The following ZNF407 variants were observed in gnomAD, a reference collection of about 807,000 sequenced individuals.
ZNF407 encodes the protein zinc finger protein 407.
Under a neutral mutation model 131.2 loss-of-function variants are expected in ZNF407, and 17 were observed. The ratio of observed to expected loss-of-function variants is 0.13; its 90% confidence interval spans 0.09 to 0.19. ZNF407 has a LOEUF of 0.19. Ranked by LOEUF, ZNF407 falls within the 10% of genes least tolerant of loss-of-function variation. ZNF407 has a pLI of 1.00. For synonymous variants in ZNF407, 1,156 were observed against 1,062.0 expected, an observed-to-expected ratio of 1.09 and a Z score of -1.72; for missense variants, 2,681 against 2,830.6, an observed-to-expected ratio of 0.95 and a Z score of 1.20.
intron 1 of ZNF407, among the ~76,000 whole-genome samples, chr18:74,627,578 A>G (rs946731861): frequency 4.1e-4 from 62 of 150,938 alleles, no homozygotes; most frequent in African/African-American, 1.4e-3. Context: ...TGGTCTGCCC[A>G]CCTTGGCCTT....
intron 3 of ZNF407, among the ~76,000 whole-genome samples, chr18:74,764,540 C>T (rs1969184662): frequency 6.6e-6 from 1 of 152,074 alleles, no homozygotes; most frequent in Admixed American, 6.5e-5. Flanking sequence ...TAATACAACC[C>T]TAGAAATTAA....
At chr18:74,811,908 C>T (rs1296603784) in intron 4 of ZNF407, among the ~76,000 whole-genome samples, 1 of 151,322 alleles carries the variant, frequency 6.6e-6, no homozygotes, top group Admixed American at 6.6e-5. Flanking sequence ...GGAGGGATAG[C>T]ATTAGGAGAT....
intron 4 of ZNF407, among the ~76,000 whole-genome samples, chr18:74,875,091 T>G (rs546147062): frequency 6.6e-6 from 1 of 152,280 alleles, no homozygotes; most frequent in East Asian, 1.9e-4. Context: ...GGCAAATATT[T>G]TAGAATATTT....
intron 8 of ZNF407, among the ~76,000 whole-genome samples, chr18:74,989,818 G>A (rs1422355446): frequency 3.3e-5 from 5 of 151,012 alleles, no homozygotes; most frequent in African/African-American, 1.2e-4. Flanking sequence ...ACTCCAGCCT[G>A]GGCGACAGAG....
chr18:74,926,134 T>C (rs1971909924), intron 8 of ZNF407, among the ~76,000 whole-genome samples: 1 of 152,248 alleles, frequency 6.6e-6, no homozygotes, highest in Non-Finnish European at 1.5e-5. Context: ...TTCATACTCC[T>C]GTCCAAATAC....
intron 3 of ZNF407, among the ~76,000 whole-genome samples, chr18:74,736,415 T>TA (rs1968413449): frequency 6.6e-6 from 1 of 152,198 alleles, no homozygotes; most frequent in African/African-American, 2.4e-5. Flanking sequence ...TTAAATAAAA[T>TA]ACAGGTTAAC....
At chr18:74,827,544 C>T (rs956361006) in intron 4 of ZNF407, among the ~76,000 whole-genome samples, 11 of 152,048 alleles carry the variant, frequency 7.2e-5, no homozygotes, top group African/African-American at 2.7e-4. Flanking sequence ...CTCATGTGTC[C>T]TTTTGATGTG....
intron 6 of ZNF407, among the ~76,000 whole-genome samples, chr18:74,887,799 T>A (rs1181602967): frequency 6.6e-6 from 1 of 152,158 alleles, no homozygotes; most frequent in Admixed American, 6.5e-5. Flanking sequence ...ATTCTCTTGA[T>A]CTTGTTCAAA....
At chr18:74,819,061 C>T (rs1206465159) in intron 4 of ZNF407, among the ~76,000 whole-genome samples, 1 of 152,076 alleles carries the variant, frequency 6.6e-6, no homozygotes, top group Non-Finnish European at 1.5e-5. Flanking sequence ...GTCAACAAAA[C>T]ACTGAAGCCT....
At chr18:74,806,179 G>T (rs1045492252) in intron 4 of ZNF407, among the ~76,000 whole-genome samples, 9 of 152,226 alleles carry the variant, frequency 5.9e-5, no homozygotes, top group African/African-American at 2.2e-4. Flanking sequence ...ATGGCGCAGG[G>T]CCTGCTGTGA....
chr18:74,645,470 A>G (rs911348468), intron 3 of ZNF407, among the ~76,000 whole-genome samples: 1 of 152,230 alleles, frequency 6.6e-6, no homozygotes, highest in African/African-American at 2.4e-5. Context: ...GTTGAAATGA[A>G]TTTACCTAAT....
At chr18:74,811,814 A>G (rs1184987285) in intron 4 of ZNF407, among the ~76,000 whole-genome samples, 1 of 151,596 alleles carries the variant, frequency 6.6e-6, no homozygotes, top group East Asian at 1.9e-4. Flanking sequence ...CATAGGTGGT[A>G]ACTGAACAAT....
chr18:74,985,005 C>T (rs1972636491), intron 8 of ZNF407, among the ~76,000 whole-genome samples: 2 of 152,172 alleles, frequency 1.3e-5, no homozygotes. Flanking sequence ...TGCTAGCTCT[C>T]AGCAATATAA....
intron 4 of ZNF407, among the ~76,000 whole-genome samples, chr18:74,819,357 G>A (rs976126649): frequency 6.6e-6 from 1 of 152,126 alleles, no homozygotes; most frequent in Non-Finnish European, 1.5e-5. Context: ...TCTGAGAGTA[G>A]TCTTTAAATA....
intron 3 of ZNF407, among the ~76,000 whole-genome samples, chr18:74,726,032 T>A (rs1482679607): frequency 6.6e-6 from 1 of 152,190 alleles, no homozygotes; most frequent in Non-Finnish European, 1.5e-5. Context: ...GTAGACACAT[T>A]GTGCCCAGCT....
At chr18:74,829,855 C>T (rs983951805) in intron 4 of ZNF407, among the ~76,000 whole-genome samples, 11 of 151,560 alleles carry the variant, frequency 7.3e-5, no homozygotes, top group Admixed American at 1.3e-4. Context: ...TTAAAAATTG[C>T]GGTGAATTAC....
chr18:74,923,486 ACCAGTGGTGTTTGTTC>A (rs1201343022), intron 8 of ZNF407, among the ~76,000 whole-genome samples: 2 of 152,118 alleles, frequency 1.3e-5, no homozygotes, highest in African/African-American at 4.8e-5. Flanking sequence ...AATACTTGGC[ACCAGTGGTGTTTGTTC>A]CCTGTCTGTC....
intron 8 of ZNF407, among the ~76,000 whole-genome samples, chr18:74,953,763 T>C (rs183749396): frequency 2.0e-5 from 3 of 152,370 alleles, no homozygotes; most frequent in East Asian, 3.9e-4. Context: ...CACTACCTTT[T>C]ACCAGCTGGC....
intron 7 of ZNF407, among the ~76,000 whole-genome samples, chr18:74,902,684 C>A (rs1308164647): frequency 6.6e-6 from 1 of 152,258 alleles, no homozygotes; most frequent in Non-Finnish European, 1.5e-5. Context: ...GGTTTACATT[C>A]TCTTTGCACG....
Sources: allele counts gnomAD v4.1 joint callset (sites outside exome capture counted in the v4.1 genomes callset), GRCh38; gene constraint gnomAD v4.1.1; transcripts MANE v1.5; gene names NCBI Gene and HGNC (gene_info 2026-07-23, HGNC 2026-07-21).